RHOU: variants seen among roughly 807,000 people sequenced by gnomAD.
RHOU encodes rho-related GTP-binding protein RhoU.
RHOU carries 8 observed loss-of-function variants against 12.6 expected under a neutral mutation model. That is an observed-to-expected ratio of 0.64 (90% CI 0.37 to 1.15). RHOU has a LOEUF of 1.15. RHOU is among the 50% of genes most tolerant of loss of function. RHOU has a pLI of 0.01. For synonymous variants in RHOU, 161 were observed against 147.4 expected (o/e 1.09, Z -0.67); for missense variants, 258 against 347.0 (o/e 0.74, Z 2.04).
At position 228,746,059 on chromosome 1, in the gene RHOU, G is replaced by C. The variant is rs1300109005; in HGVS notation, c.*2319G>C. 1 of 152,194 alleles carries C rather than the reference G, an allele frequency of 6.6e-6. No homozygotes were observed. The highest frequency in any genetic ancestry group is 2.4e-5 in the African/African-American group (1 of 41,454). The allele number at this position is 152,194 out of a possible 1,614,324, so 9.4% of individuals were successfully genotyped here. A position where few individuals can be genotyped will look rare whatever the true frequency, so the allele number is the denominator to read the frequency against. On this transcript the variant is annotated 3_prime_UTR_variant, in exon 3 of 3. Coordinates refer to ENST00000366691, the MANE Select transcript of RHOU (RefSeq NM_021205.6). ...ATACAGTTGAATTTTAAGTGGGGTT[G>C]ATAACACCTTGGACTGTTAGTGTTA...
chr1:228,650,597 G>A, the RHOU span: 4 of 454,208 alleles, frequency 8.8e-6, no homozygotes, highest in East Asian at 6.9e-5. Context: ...TCCTGCTGGC[G>A]GGTCTACTTC....
rs1176110268 is a variant in RHOU, at chr1:228,735,746, C to T, written c.4C>T (p.Pro2Ser). 1.7e-5 allele frequency: 20 copies of T among 1,205,882 alleles called. No homozygotes were observed. Among genetic ancestry groups the T allele is most frequent in the Non-Finnish European group, 2.1e-5 (20 of 971,680 alleles). 74.7% of individuals were successfully genotyped at this position (1,205,882 alleles called of 1,614,324 possible). A position where few individuals can be genotyped will look rare whatever the true frequency, so the allele number is the denominator to read the frequency against. Reference protein sequence around the residue: MPPQQGDPAFPD... With the variant: MSPQQGDPAFPD... ...GCAAGCCCGCGCTCGCGGATCGATGCCCCCGCAGCAGGGGGACCCCGCGTT... is the reference window on the plus strand; with the variant it reads ...GCAAGCCCGCGCTCGCGGATCGATGTCCCCGCAGCAGGGGGACCCCGCGTT... The change falls in exon 1 of 3, where the codon CCC becomes TCC. Residue 2 changes from proline (P) to serine (S), a missense_variant. Coordinates refer to ENST00000366691, the MANE Select transcript of RHOU (RefSeq NM_021205.6). The surrounding 1 kb of genome is among the most constrained non-coding windows in gnomAD (Gnocchi z 8.1).
chr1:228,739,253 G>T (rs1317116658), intron 2 of RHOU, among the ~76,000 whole-genome samples: 3 of 152,144 alleles, frequency 2.0e-5, no homozygotes, highest in Non-Finnish European at 2.9e-5. Context: ...TCTACCAGGG[G>T]GTCAGGTTTT....
chr1:228,700,418 C>T, the RHOU span, among the ~76,000 whole-genome samples: 1 of 152,142 alleles, frequency 6.6e-6, no homozygotes, highest in East Asian at 1.9e-4. Flanking sequence ...CTTACCCAGT[C>T]TAAATGATAC....
the RHOU span, among the ~76,000 whole-genome samples, chr1:228,719,767 CAAA>C: frequency 6.6e-6 from 1 of 151,610 alleles, no homozygotes; most frequent in African/African-American, 2.4e-5. Context: ...ACAACAACAA[CAAA>C]AAAAATGATA....
chr1:228,711,837 C>T, the RHOU span, among the ~76,000 whole-genome samples: 4 of 146,372 alleles, frequency 2.7e-5, no homozygotes, highest in East Asian at 4.0e-4. Context: ...AGAGCTTCTG[C>T]ACAGCAAAAG....
the RHOU span, among the ~76,000 whole-genome samples, chr1:228,721,132 TC>T: frequency 1.3e-5 from 2 of 152,134 alleles, no homozygotes; most frequent in African/African-American, 2.4e-5. Flanking sequence ...TGAAACCCTG[TC>T]TCTACTAAAA....
chr1:228,708,556 C>T, the RHOU span, among the ~76,000 whole-genome samples: 1 of 151,338 alleles, frequency 6.6e-6, no homozygotes, highest in Non-Finnish European at 1.5e-5. Flanking sequence ...TCCAGCCAAA[C>T]TAAACTTCAT....
the RHOU span, among the ~76,000 whole-genome samples, chr1:228,660,273 T>G: frequency 6.7e-6 from 1 of 149,582 alleles, no homozygotes; most frequent in South Asian, 2.1e-4. Context: ...GACTGAATCA[T>G]GAAGAAATTG....
At chr1:228,653,726 A>G in the RHOU span, among the ~76,000 whole-genome samples, 1 of 152,112 alleles carries the variant, frequency 6.6e-6, no homozygotes, top group Non-Finnish European at 1.5e-5. Flanking sequence ...AAAGTGCTGG[A>G]ATTACAGGTG....
chr1:228,671,365 C>G, the RHOU span, among the ~76,000 whole-genome samples: 5 of 152,014 alleles, frequency 3.3e-5, no homozygotes, highest in African/African-American at 7.3e-5. Flanking sequence ...TGGTCTATTT[C>G]TTAAGAAATA....
chr1:228,683,940 G>A, the RHOU span, among the ~76,000 whole-genome samples: 1 of 152,252 alleles, frequency 6.6e-6, no homozygotes, highest in African/African-American at 2.4e-5. Context: ...TTGGAATGAT[G>A]GGTCAGAAAC....
At chr1:228,675,462 G>A in the RHOU span, among the ~76,000 whole-genome samples, 1 of 152,122 alleles carries the variant, frequency 6.6e-6, no homozygotes, top group Non-Finnish European at 1.5e-5. Flanking sequence ...AGATTGCATT[G>A]AATCTATAGA....
the RHOU span, among the ~76,000 whole-genome samples, chr1:228,719,431 C>T: frequency 6.6e-6 from 1 of 152,148 alleles, no homozygotes; most frequent in Non-Finnish European, 1.5e-5. Context: ...GGCTCAAAAT[C>T]ACACAATTAA....
chr1:228,712,833 AAAATAAAATAAAATAAAAT>A, the RHOU span, among the ~76,000 whole-genome samples: 14 of 70,896 alleles, frequency 2.0e-4, no homozygotes, highest in Admixed American at 1.0e-3. Flanking sequence ...ATAAATAAAT[AAAATAAAATAAAATAAAAT>A]AAAATAAAAT....
At chr1:228,707,128 A>ATATATATATATATATATATATATG in the RHOU span, among the ~76,000 whole-genome samples, 3 of 67,584 alleles carry the variant, frequency 4.4e-5, no homozygotes, top group African/African-American at 3.3e-4. Flanking sequence ...ATATATATAC[A>ATATATATATATATATATATATATG]TATATATATA....
the RHOU span, among the ~76,000 whole-genome samples, chr1:228,683,936 T>C: frequency 6.6e-6 from 1 of 152,244 alleles, no homozygotes. Context: ...ACAATTGGAA[T>C]GATGGGTCAG....
At chr1:228,646,476 C>G in the RHOU span, among the ~76,000 whole-genome samples, 1 of 77,934 alleles carries the variant, frequency 1.3e-5, no homozygotes, top group African/African-American at 5.5e-5. Context: ...CTTGCCCCAC[C>G]CACCCAGAGC....
chr1:228,667,061 T>C, the RHOU span, among the ~76,000 whole-genome samples: 2 of 152,244 alleles, frequency 1.3e-5, no homozygotes, highest in Non-Finnish European at 1.5e-5. Flanking sequence ...GAGCTGGCTC[T>C]GTTGGAAATA....
Sources: gnomAD v4.1 joint callset for allele counts (sites outside exome capture counted in the v4.1 genomes callset) on GRCh38, gnomAD v4.1.1 for gene constraint, Gnocchi (gnomAD v3.1) non-coding constraint, MANE v1.5 for transcripts, NCBI Gene and HGNC (gene_info 2026-07-23, HGNC 2026-07-21) for gene names.